The following ATP13A3 variants were observed in gnomAD, a reference collection of about 807,000 sequenced individuals.
ATP13A3 encodes the protein ATPase 13A3.
Under a neutral mutation model 158.1 loss-of-function variants are expected in ATP13A3, and 59 were observed. The ratio of observed to expected loss-of-function variants is 0.37; its 90% CI spans 0.30 to 0.46. ATP13A3 has a LOEUF of 0.46. Ranked by LOEUF, ATP13A3 falls within the 20% of genes least tolerant of loss-of-function variation. The pLI is 1.00. For missense variants in ATP13A3, 1,166 were observed against 1,525.2 expected, an observed-to-expected ratio of 0.76 and a Z score of 3.92; for synonymous variants, 491 against 504.3, an observed-to-expected ratio of 0.97 and a Z score of 0.35.
chr3:194,407,160 T>C (rs1714998324), intron 33 of ATP13A3, among the ~76,000 whole-genome samples: 1 of 152,248 alleles, frequency 6.6e-6, no homozygotes, highest in African/African-American at 2.4e-5. Context: ...GGACTCGTAG[T>C]AGTTATATTT....
At chr3:194,446,086 CTAT>C (rs1455486647) in intron 14 of ATP13A3, among the ~76,000 whole-genome samples, 1 of 152,162 alleles carries the variant, frequency 6.6e-6, no homozygotes. Flanking sequence ...ACTGCTACTA[CTAT>C]TAATACTACT....
chr3:194,407,402 CAT>C (rs1004395544), intron 33 of ATP13A3, among the ~76,000 whole-genome samples: 2 of 152,178 alleles, frequency 1.3e-5, no homozygotes, highest in African/African-American at 4.8e-5. Context: ...TATTTTGAAA[CAT>C]GTTTCTAAAT....
rs1715493754 is a variant in ATP13A3 at position 194,412,239 on chromosome 3, T to C, written c.3533A>G (p.Lys1178Arg). 3.3e-6 allele frequency: 5 copies of C among 1,536,418 alleles called. No individual in the cohort carries two copies. Among genetic ancestry groups the C allele is most frequent in the South Asian group, 1.2e-5 (1 of 84,052 alleles). Residue 1178 changes from lysine to arginine, a missense_variant, in exon 33 of 34, where the codon AAA becomes AGA. Lys to Arg is a conservative substitution (Grantham distance 26, BLOSUM62 2). Transcript: ENST00000645319. ...VLWKVVFNRD[K>R]QGEYRFSTTQ... ...GGTGCTGAACCGATACTCTCCTTGT[T>C]TGTCTCGGTTGAACACAACTTTCCA...
Position 194,430,068 on chromosome 3 carries a change from C to A in ATP13A3, c.2777+4G>T. On this transcript the variant is annotated splice_donor_region_variant and intron_variant, in intron 26 of 33. Coordinates refer to ENST00000645319, the MANE Select transcript of ATP13A3 (RefSeq NM_001367549.1). ...GGGATGAGAAAAATTTTAATTTGTA[C>A]TACCTGATAAGGTTTGGCACACAGG... 1 of 1,608,256 alleles carries A rather than the reference C, an allele frequency of 6.2e-7. No individual in the cohort carries two copies.
intron 7 of ATP13A3, 29 bp downstream of exon 7, chr3:194,457,065 A>T (rs1344292797): frequency 1.3e-6 from 2 of 1,543,882 alleles, no homozygotes; most frequent in South Asian, 2.3e-5. Context: ...AATTTTGAGA[A>T]GATCTAACTT....
chr3:194,453,282 A>T (rs987413785), intron 10 of ATP13A3, among the ~76,000 whole-genome samples: 31 of 94,008 alleles, frequency 3.3e-4, no homozygotes, highest in African/African-American at 2.1e-3. Flanking sequence ...ATCGACTTTA[A>T]AAAAAAAAAA....
At chr3:194,464,327 C>T (rs1181249754) in intron 2 of ATP13A3, among the ~76,000 whole-genome samples, 1 of 152,170 alleles carries the variant, frequency 6.6e-6, no homozygotes, top group East Asian at 1.9e-4. Flanking sequence ...AAACCTTACA[C>T]ACTATCGGGT....
chr3:194,418,561 T>G (rs1004241617), intron 31 of ATP13A3, among the ~76,000 whole-genome samples: 2 of 151,884 alleles, frequency 1.3e-5, no homozygotes, highest in African/African-American at 4.8e-5. Context: ...ATTAAACACA[T>G]GAAAAAATGC....
intron 30 of ATP13A3, among the ~76,000 whole-genome samples, chr3:194,421,124 A>ATATATATAGTT (rs1560074805): frequency 1.6e-4 from 11 of 70,568 alleles, no homozygotes; most frequent in African/African-American, 1.0e-3. Context: ...GTATATATAT[A>ATATATATAGTT]TATATATATA....
intron 5 of ATP13A3, 41 bp from the exon 6 acceptor site, chr3:194,459,582 T>C (rs139084243): frequency 6.7e-7 from 1 of 1,483,856 alleles, no homozygotes; most frequent in East Asian, 2.3e-5. Flanking sequence ...AAGCATATAA[T>C]CACTTGTGAT....
Position 194,450,173 on chromosome 3 carries a change from G to A in ATP13A3, c.942C>T (p.Thr314=). The A allele has an allele frequency of 6.2e-7, 1 of 1,613,834 alleles. No individual in the cohort carries two copies. The stretch of plus-strand genomic sequence containing the variant: ...TTAACATGCTTTCGTTTACAATGCA[G>A]GTACCATTAATAAGCACAGCATCAC... ...MPCDAVLING[T]CIVNESMLTG... Residue 314 remains threonine (T), a synonymous_variant, in exon 11 of 34, where the codon ACC becomes ACT. Transcript: ENST00000645319.
upstream of ATP13A3, among the ~76,000 whole-genome samples, chr3:194,490,845 A>C (rs1386153821): frequency 6.6e-6 from 1 of 152,204 alleles, no homozygotes; most frequent in Non-Finnish European, 1.5e-5. The surrounding 1 kb of genome is among the most constrained non-coding windows in gnomAD (Gnocchi z 4.4). Flanking sequence ...CTGCATGTAC[A>C]TTAATAACTG....
chr3:194,408,092 T>A (rs1347041618), intron 33 of ATP13A3, among the ~76,000 whole-genome samples: 3 of 151,090 alleles, frequency 2.0e-5, no homozygotes, highest in South Asian at 2.1e-4. Flanking sequence ...TGATCTAAGC[T>A]CACTGCAACC....
chr3:194,430,708 A>T (rs1717153501), intron 24 of ATP13A3, among the ~76,000 whole-genome samples: 1 of 152,230 alleles, frequency 6.6e-6, no homozygotes, highest in Admixed American at 6.5e-5. Flanking sequence ...AAGATAGAGC[A>T]CCTGAAAGAA....
intron 2 of ATP13A3, among the ~76,000 whole-genome samples, chr3:194,471,430 T>C (rs937478810): frequency 5.9e-5 from 9 of 151,894 alleles, no homozygotes; most frequent in Non-Finnish European, 1.2e-4. Context: ...CTTAGCTCAC[T>C]GCAACCTCTG....
chr3:194,433,446 T>C (rs1239024689), intron 21 of ATP13A3, among the ~76,000 whole-genome samples: 1 of 152,038 alleles, frequency 6.6e-6, no homozygotes, highest in African/African-American at 2.4e-5. Context: ...GGTTTCACCT[T>C]GTTAGCCAGG....
chr3:194,425,592 A>T (rs78598495), intron 29 of ATP13A3, 63 bp from the exon 30 acceptor site: 20 of 1,352,118 alleles, frequency 1.5e-5, no homozygotes, highest in Non-Finnish European at 2.0e-5. Context: ...AAAAGAAACC[A>T]ATCTTACCTT....
In ATP13A3 at chr3:194,431,219, G is replaced by A. The variant is rs191533427; in HGVS notation, c.2429C>T (p.Pro810Leu). Residue 810 changes from proline (P) to leucine (L), a missense_variant, in exon 23 of 34, where the codon CCG becomes CTG. By Grantham distance (98) the Pro-to-Leu change is moderately conservative. This residue lies in a region of ATP13A3 where 997 missense variants were observed against 1,341.2 expected (regional missense o/e 0.74). Transcript: ENST00000645319. ...HPSAIDPEAI[P>L]VKLVHDSLED... is the part of the protein sequence containing the mutation. ...TAAGCTATCATGGACCAATTTAACCGGAATAGCCTGTGTATATGAGACATT... is the reference window on the plus strand; with the variant it reads ...TAAGCTATCATGGACCAATTTAACCAGAATAGCCTGTGTATATGAGACATT... The A allele has an allele frequency of 3.2e-5, 51 of 1,610,716 alleles. No homozygotes were observed. The highest frequency in any genetic ancestry group is 8.9e-5 in the East Asian group (4 of 44,826).
At chr3:194,464,814 AC>A (rs1719893195) in intron 2 of ATP13A3, among the ~76,000 whole-genome samples, 2 of 152,160 alleles carry the variant, frequency 1.3e-5, no homozygotes, top group African/African-American at 4.8e-5. Context: ...ACAGGGTCTC[AC>A]TATGTTGCCC....
Sources: gnomAD v4.1 joint callset for allele counts (sites outside exome capture counted in the v4.1 genomes callset) on GRCh38, gnomAD v4.1.1 for gene constraint, gnomAD v4.1.1 regional missense constraint, Gnocchi (gnomAD v3.1) non-coding constraint, MANE v1.5 for transcripts, NCBI Gene and HGNC (gene_info 2026-07-23, HGNC 2026-07-21) for gene names.